Variants in SLC8A1 observed in about 807,000 individuals in gnomAD.
SLC8A1 encodes solute carrier family 8 member A1.
In SLC8A1, 18 loss-of-function variants were observed where a neutral mutation model predicts 68.3. That is an observed-to-expected ratio of 0.26 (90% CI 0.18 to 0.39). SLC8A1 has a LOEUF of 0.39. Ranked by LOEUF, SLC8A1 falls within the 10% of genes least tolerant of loss-of-function variation. The pLI is 1.00. For missense variants in SLC8A1, 985 were observed against 1,156.7 expected (o/e 0.85, Z 2.15); for synonymous variants, 475 against 415.5 (o/e 1.14, Z -1.74).
chr2:40,366,922 G>C (rs1264892084), intron 2 of SLC8A1, among the ~76,000 whole-genome samples: 19 of 152,012 alleles, frequency 1.2e-4, no homozygotes, highest in Non-Finnish European at 2.5e-4. Flanking sequence ...AACATCCTCT[G>C]AACAGGATTT....
At chr2:40,346,655 A>G (rs907384347) in intron 2 of SLC8A1, among the ~76,000 whole-genome samples, 1 of 152,186 alleles carries the variant, frequency 6.6e-6, no homozygotes, top group African/African-American at 2.4e-5. Flanking sequence ...GGAATGCAAG[A>G]CACAGGAAGG....
chr2:40,174,870 G>A (rs771026181), intron 3 of SLC8A1, 28 bp from the exon 5 acceptor site: 343 of 1,600,478 alleles, frequency 2.1e-4, no homozygotes, highest in Middle Eastern at 3.3e-4. Context: ...AACAACAAAT[G>A]TTATAATTTG....
Position 40,396,748 on chromosome 2 carries a change from T to TAAA in SLC8A1, c.1808+31722_1808+31724dup, listed in dbSNP as rs368483768. Among the ~76,000 whole-genome samples, 235 of 87,026 alleles carry TAAA rather than the reference T, an allele frequency of 2.7e-3. 10 individuals are homozygous for TAAA. The highest frequency in any genetic ancestry group is 3.7e-3 in the East Asian group (6 of 1,614). 57.1% of individuals were successfully genotyped at this position (87,026 alleles called of 152,430 possible). A position where few individuals can be genotyped will look rare whatever the true frequency, so the allele number is the denominator to read the frequency against. ...TTTAACCTCCATCATCTCTAATAACTAAAAAAAAAAAAAAAAAAAAAAAAA... is the reference window on the plus strand; with the variant it reads ...TTTAACCTCCATCATCTCTAATAACTAAAAAAAAAAAAAAAAAAAAAAAAAAAA... On this transcript the variant is annotated intron_variant, in intron 2 of 7. Coordinates refer to ENST00000406785, the Ensembl canonical transcript of SLC8A1.
chr2:40,270,686 A>G (rs953595890), intron 2 of SLC8A1, among the ~76,000 whole-genome samples: 3 of 152,200 alleles, frequency 2.0e-5, no homozygotes, highest in Non-Finnish European at 1.5e-5. Flanking sequence ...ACTTAATCAC[A>G]CCTTAAAAGT....
intron 7 of SLC8A1, among the ~76,000 whole-genome samples, chr2:40,131,858 ATTTTTTTTT>A (rs71404277): frequency 0.31 from 29,621 of 95,930 alleles, 3,457 homozygotes; most frequent in East Asian, 0.64. Context: ...TTGGTATTCT[ATTTTTTTTT>A]TTTTTTTTTT....
chr2:40,220,256 G>C (rs2058125218), intron 2 of SLC8A1: 2 of 151,854 alleles, frequency 1.3e-5, no homozygotes, highest in East Asian at 3.9e-4. Context: ...GAAGAAAAAA[G>C]AGAAAAAATA....
At chr2:40,486,771 G>A (rs371404827) in intron 1 of SLC8A1, among the ~76,000 whole-genome samples, 2 of 150,360 alleles carry the variant, frequency 1.3e-5, no homozygotes, top group African/African-American at 4.9e-5. Context: ...TGTGCACAAT[G>A]TGCAGGTTTG....
At chr2:40,467,846 G>C (rs891895880) in intron 1 of SLC8A1, among the ~76,000 whole-genome samples, 15 of 152,092 alleles carry the variant, frequency 9.9e-5, no homozygotes, top group Admixed American at 5.9e-4. Flanking sequence ...TCTTCACAAA[G>C]TGATTTTTGA....
chr2:40,307,569 T>G (rs1231623076), intron 2 of SLC8A1, among the ~76,000 whole-genome samples: 2 of 152,228 alleles, frequency 1.3e-5, no homozygotes, highest in Non-Finnish European at 2.9e-5. Context: ...ATATAAATAA[T>G]TCAGCGAAAG....
chr2:40,166,616 G>A (rs2046594717), intron 4 of SLC8A1, among the ~76,000 whole-genome samples: 1 of 152,166 alleles, frequency 6.6e-6, no homozygotes, highest in African/African-American at 2.4e-5. Flanking sequence ...CCCAAGGGAA[G>A]GCAAAGAGTT....
intron 2 of SLC8A1, among the ~76,000 whole-genome samples, chr2:40,238,327 G>A (rs528699212): frequency 2.0e-4 from 30 of 152,194 alleles, no homozygotes; most frequent in Admixed American, 4.6e-4. Context: ...TTTTAAGCCC[G>A]TTGGAAAAGC....
exon 8 of SLC8A1, chr2:40,099,792 C>G (rs2033789604): frequency 6.6e-6 from 1 of 152,004 alleles, no homozygotes; most frequent in African/African-American, 2.4e-5. Flanking sequence ...GTGGGAAACA[C>G]AATTGCCATC....
rs72937285 is a variant in SLC8A1 at position 40,168,749 on chromosome 2, C to A, written c.1931-3765G>T. ...GGTCAGTTTCATTTCTTTACTTCTGCAGAGTGAGATAATATGCTGTGGTTT... is the reference window on the plus strand; with the variant it reads ...GGTCAGTTTCATTTCTTTACTTCTGAAGAGTGAGATAATATGCTGTGGTTT... On this transcript the variant is annotated intron_variant, in intron 4 of 7. Transcript: ENST00000406785. Among the ~76,000 whole-genome samples the A allele has an allele frequency of 5.7e-3, 871 of 152,246 alleles. 8 individuals carry two copies. Among genetic ancestry groups the A allele is most frequent in the African/African-American group, 0.02 (835 of 41,538 alleles).
At chr2:40,373,428 A>T (rs79288113) in intron 2 of SLC8A1, among the ~76,000 whole-genome samples, 2,754 of 152,206 alleles carry the variant, frequency 0.018, 44 homozygotes, top group African/African-American at 0.047. Flanking sequence ...CGATATGAAT[A>T]ATGACTTAAA....
intron 2 of SLC8A1, among the ~76,000 whole-genome samples, chr2:40,258,174 A>C (rs985636209): frequency 6.6e-6 from 1 of 152,222 alleles, no homozygotes; most frequent in African/African-American, 2.4e-5. Context: ...CATTTTGTTC[A>C]AATTACAACC....
intron 2 of SLC8A1, among the ~76,000 whole-genome samples, chr2:40,402,018 G>C (rs149583760): frequency 1.3e-5 from 2 of 152,236 alleles, no homozygotes; most frequent in African/African-American, 4.8e-5. Flanking sequence ...ATAAGGGCTG[G>C]GTAAAGTAAG....
intron 1 of SLC8A1, among the ~76,000 whole-genome samples, chr2:40,494,665 A>ATATATATATC (rs1705565497): frequency 8.2e-6 from 1 of 122,002 alleles, no homozygotes; most frequent in Non-Finnish European, 1.8e-5. Flanking sequence ...ATATATATAT[A>ATATATATATC]TATATATATA....
intron 2 of SLC8A1, among the ~76,000 whole-genome samples, chr2:40,416,408 T>G (rs527762183): frequency 3.3e-5 from 5 of 152,200 alleles, no homozygotes. Context: ...TTTCAAAATG[T>G]TTCTTTTTGG....
exon 8 of SLC8A1, chr2:40,107,484 A>C (rs1002055560): frequency 1.3e-5 from 2 of 152,048 alleles, no homozygotes; most frequent in African/African-American, 4.8e-5. Flanking sequence ...AAGAAACTCT[A>C]ATTGGCCCTA....
Sources: gnomAD v4.1 joint callset for allele counts (sites outside exome capture counted in the v4.1 genomes callset) on GRCh38, gnomAD v4.1.1 for gene constraint, MANE v1.5 for transcripts, NCBI Gene and HGNC (gene_info 2026-07-23, HGNC 2026-07-21) for gene names.